Variants in SAMD3 observed in about 807,000 individuals in gnomAD.
The protein encoded by SAMD3 is sterile alpha motif domain containing 3, also known as sterile alpha motif domain-containing protein 3.
In SAMD3, 63 loss-of-function variants were observed where a neutral mutation model predicts 58.5. That is an observed-to-expected ratio of 1.08 (90% CI 0.88 to 1.33). SAMD3 has a LOEUF of 1.33. Among genes scored for constraint, SAMD3 ranks in the 40% most tolerant of loss-of-function variants. The probability of loss-of-function intolerance (pLI) is 0.00; values close to 1 mark genes in which losing one functional copy is unlikely to be tolerated. For missense variants in SAMD3, 604 were observed against 608.4 expected, an observed-to-expected ratio of 0.99 and a Z score of 0.08; for synonymous variants, 220 against 210.3, an observed-to-expected ratio of 1.05 and a Z score of -0.40.
intron 2 of SAMD3, among the ~76,000 whole-genome samples, chr6:130,285,159 C>T (rs558127618): frequency 1.2e-4 from 19 of 152,094 alleles, no homozygotes; most frequent in African/African-American, 3.6e-4. Flanking sequence ...AGTTGCAAAA[C>T]GTTATATATA....
At chr6:130,207,245 G>T (rs1244050159) in intron 5 of SAMD3, among the ~76,000 whole-genome samples, 1 of 151,940 alleles carries the variant, frequency 6.6e-6, no homozygotes, top group Admixed American at 6.6e-5. Context: ...TGTCAAGTAG[G>T]CAGAGAAAAG....
intron 1 of SAMD3, among the ~76,000 whole-genome samples, chr6:130,344,187 C>T (rs962843267): frequency 2.0e-5 from 3 of 152,194 alleles, no homozygotes; most frequent in African/African-American, 7.2e-5. Context: ...AAATTCTCCT[C>T]TAACTCCAAC....
intron 5 of SAMD3, among the ~76,000 whole-genome samples, chr6:130,187,774 A>C (rs1055533859): frequency 6.6e-6 from 1 of 152,214 alleles, no homozygotes; most frequent in Admixed American, 6.5e-5. Context: ...AGCAGACAGC[A>C]GTTCAACCCA....
chr6:130,320,931 G>A (rs1040237280), intron 1 of SAMD3, among the ~76,000 whole-genome samples: 7 of 152,176 alleles, frequency 4.6e-5, no homozygotes, highest in African/African-American at 1.4e-4. Context: ...GAATGTGCCT[G>A]TCTCAAGGTT....
At chr6:130,157,118 A>G (rs925020730) in intron 8 of SAMD3, among the ~76,000 whole-genome samples, 8 of 150,630 alleles carry the variant, frequency 5.3e-5, no homozygotes, top group African/African-American at 2.0e-4. Context: ...TAAATAAATA[A>G]TAAAATTACA....
chr6:130,238,612 G>A (rs1773247941), intron 2 of SAMD3, among the ~76,000 whole-genome samples: 1 of 152,142 alleles, frequency 6.6e-6, no homozygotes, highest in Non-Finnish European at 1.5e-5. Context: ...AAGGACCCTA[G>A]GAAAGAATAC....
intron 8 of SAMD3, among the ~76,000 whole-genome samples, chr6:130,171,328 G>A (rs1282093558): frequency 6.6e-6 from 1 of 152,138 alleles, no homozygotes; most frequent in Non-Finnish European, 1.5e-5. Context: ...ATGTGCTGCT[G>A]GATTTGGTTT....
chr6:130,155,127 C>G (rs771590218), intron 8 of SAMD3, 102 bp from the exon 9 acceptor site: 3 of 798,756 alleles, frequency 3.8e-6, no homozygotes, highest in Non-Finnish European at 6.1e-6. Flanking sequence ...AGGTGAGTAT[C>G]ACCATACCTG....
At chr6:130,306,028 G>A (rs1775901188) in intron 2 of SAMD3, among the ~76,000 whole-genome samples, 1 of 152,314 alleles carries the variant, frequency 6.6e-6, no homozygotes, top group Admixed American at 6.5e-5. Flanking sequence ...GGAAAAGGCA[G>A]TTCTCTAGGG....
chr6:130,338,919 A>C (rs1202931396), intron 1 of SAMD3, among the ~76,000 whole-genome samples: 1 of 152,198 alleles, frequency 6.6e-6, no homozygotes, highest in Non-Finnish European at 1.5e-5. Context: ...GAATGAGTTA[A>C]GACTTTGAAG....
chr6:130,221,851 A>G (rs1796238977), intron 1 of SAMD3: 1 of 152,210 alleles, frequency 6.6e-6, no homozygotes, highest in Non-Finnish European at 1.5e-5. Context: ...TAATACACCA[A>G]TAGAAAAAAA....
At chr6:130,253,262 G>A (rs879884919) in intron 2 of SAMD3, among the ~76,000 whole-genome samples, 9 of 152,078 alleles carry the variant, frequency 5.9e-5, no homozygotes, top group Non-Finnish European at 1.2e-4. Context: ...TTATCCTTGT[G>A]TGAGTCCAGC....
At chr6:130,328,803 G>T (rs531299499) in intron 1 of SAMD3, among the ~76,000 whole-genome samples, 4 of 152,284 alleles carry the variant, frequency 2.6e-5, no homozygotes, top group Middle Eastern at 3.4e-3. Flanking sequence ...TCAACTTCAA[G>T]AAATCTTCTG....
chr6:130,334,954 T>C (rs1287421953), intron 1 of SAMD3, among the ~76,000 whole-genome samples: 1 of 152,220 alleles, frequency 6.6e-6, no homozygotes, highest in Non-Finnish European at 1.5e-5. Flanking sequence ...CAGCATGTCA[T>C]TTATCAATCA....
intron 5 of SAMD3, among the ~76,000 whole-genome samples, chr6:130,200,557 CA>C (rs11375395): frequency 0.023 from 2,191 of 97,200 alleles, 43 homozygotes; most frequent in African/African-American, 0.079. Flanking sequence ...CCCCGACCCA[CA>C]AAAAAAAAAA....
At chr6:130,176,286 T>G (rs1319251916) in intron 7 of SAMD3, 2 of 388,584 alleles carry the variant, frequency 5.1e-6, no homozygotes, top group Admixed American at 4.1e-5. Flanking sequence ...GTAAATATAT[T>G]GGTTCTTGAA....
At chr6:130,276,883 G>A (rs1774795350) in intron 2 of SAMD3, among the ~76,000 whole-genome samples, 1 of 152,098 alleles carries the variant, frequency 6.6e-6, no homozygotes, top group East Asian at 1.9e-4. Context: ...AAATAGGGGT[G>A]TGGAAAATGG....
chr6:130,364,250 G>A (rs1778066518), intron 1 of SAMD3, among the ~76,000 whole-genome samples: 1 of 152,072 alleles, frequency 6.6e-6, no homozygotes, highest in Non-Finnish European at 1.5e-5. Context: ...TTAAGAATGT[G>A]CTTATTCCTT....
intron 2 of SAMD3, among the ~76,000 whole-genome samples, chr6:130,304,656 C>T (rs368457562): frequency 1.1e-4 from 16 of 152,100 alleles, no homozygotes; most frequent in South Asian, 2.1e-4. Flanking sequence ...TTTCCGGACT[C>T]TTGGAATTCA....
Sources: gnomAD v4.1 joint callset for allele counts (sites outside exome capture counted in the v4.1 genomes callset) on GRCh38, gnomAD v4.1.1 for gene constraint, MANE v1.5 for transcripts, NCBI Gene and HGNC (gene_info 2026-07-23, HGNC 2026-07-21) for gene names.